FAM107B: variants seen among roughly 807,000 people sequenced by gnomAD.
The protein encoded by FAM107B is protein FAM107B.
A neutral mutation model predicts 31.5 loss-of-function variants in FAM107B; 21 were observed. That is an observed-to-expected ratio of 0.67 (90% CI 0.47 to 0.96). FAM107B has a LOEUF of 0.96. FAM107B is among the 40% of genes least tolerant of loss of function. The probability of loss-of-function intolerance (pLI) is 0.00; values close to 1 mark genes in which losing one functional copy is unlikely to be tolerated. For synonymous variants in FAM107B, 157 were observed against 141.5 expected (o/e 1.11, Z -0.78); for missense variants, 452 against 377.1 (o/e 1.20, Z -1.64).
At chr10:14,637,313 A>G (rs1853525475) in intron 2 of FAM107B, among the ~76,000 whole-genome samples, 1 of 152,100 alleles carries the variant, frequency 6.6e-6, no homozygotes, top group African/African-American at 2.4e-5. Flanking sequence ...TCTTGAGTGT[A>G]GGCAGGACCT....
chr10:14,603,691 G>A (rs1231340927), intron 2 of FAM107B, among the ~76,000 whole-genome samples: 1 of 152,212 alleles, frequency 6.6e-6, no homozygotes. Flanking sequence ...GGGTTCACTG[G>A]AACAGGGGAG....
In FAM107B at chr10:14,691,312, G is replaced by C. The variant is rs77903938; in HGVS notation, c.412-23621C>G. 6.1e-3 allele frequency among the ~76,000 whole-genome samples: 930 copies of C among 152,278 alleles called. 17 individuals are homozygous for C. Among genetic ancestry groups the C allele is most frequent in the East Asian group, 0.023 (120 of 5,174 alleles). The stretch of plus-strand genomic sequence containing the variant: ...CTCTCAGAGTACAGAGGTTAGCTCA[G>C]TCCTGCAGAGTCCATGTCTCCAAAA... On this transcript the variant is annotated intron_variant, in intron 1 of 4. Coordinates refer to ENST00000181796, the MANE Select transcript of FAM107B (RefSeq NM_031453.4).
chr10:14,737,766 TTCTCTCTCTC>T (rs11276189), intron 1 of FAM107B, among the ~76,000 whole-genome samples: 3 of 127,048 alleles, frequency 2.4e-5, no homozygotes, highest in African/African-American at 3.2e-5. Context: ...CGTGCACGCT[TTCTCTCTCTC>T]TCTCTCTCTC....
intron 2 of FAM107B, among the ~76,000 whole-genome samples, chr10:14,567,075 C>T (rs1361303420): frequency 6.6e-6 from 1 of 152,182 alleles, no homozygotes; most frequent in Non-Finnish European, 1.5e-5. Context: ...ATGGTGTGAA[C>T]CCAGGAGGCG....
chr10:14,634,741 G>A (rs144730215), intron 2 of FAM107B, among the ~76,000 whole-genome samples: 57 of 152,286 alleles, frequency 3.7e-4, no homozygotes, highest in Non-Finnish European at 6.2e-4. Context: ...GTCAGATGAT[G>A]CCATCACTGT....
At chr10:14,529,015 G>A (rs2130833654) in intron 3 of FAM107B, among the ~76,000 whole-genome samples, 1 of 152,290 alleles carries the variant, frequency 6.6e-6, no homozygotes, top group African/African-American at 2.4e-5. Context: ...TAAGGGAACT[G>A]AGGCCAAAGA....
chr10:14,614,447 T>G (rs1411112578), intron 2 of FAM107B, among the ~76,000 whole-genome samples: 1 of 150,742 alleles, frequency 6.6e-6, no homozygotes, highest in East Asian at 2.0e-4. Flanking sequence ...CTGAGGGAGG[T>G]GGATCACCTG....
Position 14,520,164 on chromosome 10 carries a change from T to C in FAM107B, c.*1026A>G, listed in dbSNP as rs1466406103. ...TTTCAAAGCTTGGATTCTAATGATATGCATTATCATTAGACATTCAAATGC... is the reference window on the plus strand; with the variant it reads ...TTTCAAAGCTTGGATTCTAATGATACGCATTATCATTAGACATTCAAATGC... On this transcript the variant is annotated 3_prime_UTR_variant, in exon 5 of 5. Transcript: ENST00000181796. 1 of 152,502 alleles carries C rather than the reference T, an allele frequency of 6.6e-6. No individual in the cohort carries two copies. The highest frequency in any genetic ancestry group is 1.5e-5 in the Non-Finnish European group (1 of 68,036). 9.4% of individuals were successfully genotyped at this position (152,502 alleles called of 1,614,324 possible).
At chr10:14,522,469 A>G (rs1378360737) in intron 3 of FAM107B, among the ~76,000 whole-genome samples, 2 of 150,718 alleles carry the variant, frequency 1.3e-5, no homozygotes, top group African/African-American at 4.9e-5. Flanking sequence ...GCTGGAGTGC[A>G]GTGGCAGGCA....
intron 1 of FAM107B, among the ~76,000 whole-genome samples, chr10:14,728,883 G>A (rs184003591): frequency 8.5e-4 from 130 of 152,278 alleles, no homozygotes; most frequent in Admixed American, 1.8e-3. Flanking sequence ...TGGGGAAATG[G>A]CACAATGTTC....
intron 2 of FAM107B, among the ~76,000 whole-genome samples, chr10:14,554,826 T>A (rs7908439): frequency 6.6e-6 from 1 of 151,980 alleles, no homozygotes; most frequent in Non-Finnish European, 1.5e-5. Context: ...CAGCGATGGG[T>A]GGTCAATGAA....
intron 2 of FAM107B, among the ~76,000 whole-genome samples, chr10:14,648,473 T>C (rs1853821922): frequency 6.6e-6 from 1 of 152,152 alleles, no homozygotes. Context: ...GAATAATCTC[T>C]CTCAGGCTCC....
intron 2 of FAM107B, among the ~76,000 whole-genome samples, chr10:14,573,409 C>A (rs774262462): frequency 5.9e-5 from 9 of 152,038 alleles, no homozygotes; most frequent in Non-Finnish European, 7.4e-5. Context: ...CGACCTTGGA[C>A]TTCCCAGTCT....
intron 2 of FAM107B, among the ~76,000 whole-genome samples, chr10:14,540,002 G>A (rs778126308): frequency 5.8e-4 from 88 of 152,338 alleles, no homozygotes; most frequent in Non-Finnish European, 1.0e-3. Context: ...GCGACCAGAC[G>A]TCTGCCATGT....
intron 1 of FAM107B, among the ~76,000 whole-genome samples, chr10:14,748,573 G>A (rs1832770560): frequency 6.6e-6 from 1 of 152,240 alleles, no homozygotes; most frequent in South Asian, 2.1e-4. Context: ...AGAAGAACTG[G>A]AAACAGTGGC....
intron 2 of FAM107B, among the ~76,000 whole-genome samples, chr10:14,617,380 G>C (rs1395093000): frequency 1.3e-5 from 2 of 152,178 alleles, no homozygotes; most frequent in Non-Finnish European, 1.5e-5. Context: ...GAGGATACAT[G>C]TCTCTCAAAC....
At chr10:14,738,828 T>C (rs192647719) in intron 1 of FAM107B, among the ~76,000 whole-genome samples, 14 of 152,336 alleles carry the variant, frequency 9.2e-5, no homozygotes, top group African/African-American at 3.1e-4. Context: ...TTGCCGTCTG[T>C]TCTGGACATT....
chr10:14,544,521 C>A (rs76223550), intron 2 of FAM107B, among the ~76,000 whole-genome samples: 1,566 of 152,332 alleles, frequency 0.01, 16 homozygotes, highest in Non-Finnish European at 0.015. Flanking sequence ...TATTCCCTTA[C>A]ATTTAGAAAA....
At chr10:14,727,603 G>T (rs926888874) in intron 1 of FAM107B, among the ~76,000 whole-genome samples, 5 of 152,216 alleles carry the variant, frequency 3.3e-5, no homozygotes, top group African/African-American at 9.6e-5. Flanking sequence ...TCACCCTCCA[G>T]TGGGATAATT....
Sources: gnomAD v4.1 joint callset for allele counts (sites outside exome capture counted in the v4.1 genomes callset) on GRCh38, gnomAD v4.1.1 for gene constraint, MANE v1.5 for transcripts, NCBI Gene and HGNC (gene_info 2026-07-23, HGNC 2026-07-21) for gene names.